Variants in CNTN3 observed in about 807,000 individuals in gnomAD.
CNTN3 encodes the protein contactin 3, also known as contactin-3.
Under a neutral mutation model 119.1 loss-of-function variants are expected in CNTN3, and 60 were observed. The ratio of observed to expected loss-of-function variants is 0.50; its 90% CI spans 0.41 to 0.62. The LOEUF (loss-of-function observed/expected upper bound fraction) is 0.62, where lower values mean the gene tolerates loss of function less well. Ranked by LOEUF, CNTN3 falls within the 20% of genes least tolerant of loss-of-function variation. The probability of loss-of-function intolerance (pLI) is 0.00; values close to 1 mark genes in which losing one functional copy is unlikely to be tolerated. For synonymous variants in CNTN3, 450 were observed against 438.7 expected, an observed-to-expected ratio of 1.03 and a Z score of -0.32; for missense variants, 1,101 against 1,242.4, an observed-to-expected ratio of 0.89 and a Z score of 1.71.
chr3:74,297,150 C>A (rs1702355185), intron 18 of CNTN3, among the ~76,000 whole-genome samples: 1 of 152,266 alleles, frequency 6.6e-6, no homozygotes, highest in African/African-American at 2.4e-5. Context: ...ACTCTTCATC[C>A]AGTAACATCC....
In CNTN3 at chr3:74,491,291, A is replaced by G. The variant is rs373676739; in HGVS notation, c.183-4660T>C. ...CAAGCTGGGAAGATCTCTTGGAGCCAGTAGTTTGAGACCAGCCTGGGCAAC... is the reference window on the plus strand; with the variant it reads ...CAAGCTGGGAAGATCTCTTGGAGCCGGTAGTTTGAGACCAGCCTGGGCAAC... On this transcript the variant is annotated intron_variant, in intron 3 of 22. Coordinates refer to ENST00000263665, the MANE Select transcript of CNTN3 (RefSeq NM_020872.3). Among the ~76,000 whole-genome samples the G allele has an allele frequency of 2.0e-4, 31 of 152,170 alleles. 2 individuals carry two copies. The highest frequency in any genetic ancestry group is 7.5e-4 in the African/African-American group (31 of 41,524).
chr3:74,273,089 G>A (rs1575689760), intron 20 of CNTN3, among the ~76,000 whole-genome samples: 1 of 152,124 alleles, frequency 6.6e-6, no homozygotes, highest in African/African-American at 2.4e-5. Context: ...GCAATAATGT[G>A]TATCCTGAGC....
chr3:74,458,348 C>T (rs1237863618), intron 4 of CNTN3, among the ~76,000 whole-genome samples: 4 of 151,964 alleles, frequency 2.6e-5, no homozygotes, highest in Non-Finnish European at 4.4e-5. Context: ...TCCAGGCTGC[C>T]ACATGTTTTT....
intron 1 of CNTN3, among the ~76,000 whole-genome samples, chr3:74,539,444 G>C (rs931410161): frequency 2.6e-5 from 4 of 152,136 alleles, no homozygotes; most frequent in Middle Eastern, 3.4e-3. Flanking sequence ...CTAAGGCTTA[G>C]GGCAATAAAG....
At chr3:74,280,463 G>A (rs1701981820) in intron 20 of CNTN3, among the ~76,000 whole-genome samples, 1 of 152,190 alleles carries the variant, frequency 6.6e-6, no homozygotes, top group African/African-American at 2.4e-5. Flanking sequence ...TTGGTTGTTT[G>A]CCCAAGATGA....
intron 5 of CNTN3, among the ~76,000 whole-genome samples, chr3:74,397,793 T>C (rs1485741755): frequency 6.6e-6 from 1 of 152,184 alleles, no homozygotes; most frequent in Non-Finnish European, 1.5e-5. Context: ...TCATGATTCA[T>C]GAGAAGAGGT....
chr3:74,464,792 A>T (rs1328649039), intron 4 of CNTN3, among the ~76,000 whole-genome samples: 1 of 152,220 alleles, frequency 6.6e-6, no homozygotes, highest in Non-Finnish European at 1.5e-5. Flanking sequence ...ACAATATAAA[A>T]TAGGTTAATG....
chr3:74,386,160 T>G (rs547056102), intron 5 of CNTN3, among the ~76,000 whole-genome samples: 16 of 152,178 alleles, frequency 1.1e-4, no homozygotes, highest in Non-Finnish European at 2.1e-4. Flanking sequence ...TCTATGTAGG[T>G]GCTCAATCAT....
chr3:74,559,497 G>A (rs1011769951), intron 1 of CNTN3, among the ~76,000 whole-genome samples: 1 of 152,082 alleles, frequency 6.6e-6, no homozygotes, highest in African/African-American at 2.4e-5. Flanking sequence ...TGCTTACACA[G>A]CCTACCTCTA....
intron 1 of CNTN3, among the ~76,000 whole-genome samples, chr3:74,532,951 T>C (rs1703714106): frequency 6.6e-6 from 1 of 151,982 alleles, no homozygotes; most frequent in Non-Finnish European, 1.5e-5. Flanking sequence ...CAAAATCACA[T>C]AAGCAAAGTC....
intron 1 of CNTN3, among the ~76,000 whole-genome samples, chr3:74,604,841 C>T (rs1285228864): frequency 6.6e-6 from 1 of 152,116 alleles, no homozygotes; most frequent in African/African-American, 2.4e-5. Flanking sequence ...TCAGAGATAT[C>T]TGCACTCCTG....
chr3:74,303,693 G>T (rs2106822066), intron 13 of CNTN3, among the ~76,000 whole-genome samples: 2 of 152,226 alleles, frequency 1.3e-5, no homozygotes, highest in African/African-American at 4.8e-5. Context: ...GCAAGACTCT[G>T]TCTCCGCCTC....
At chr3:74,430,252 T>C (rs1044130854) in intron 4 of CNTN3, among the ~76,000 whole-genome samples, 2 of 152,182 alleles carry the variant, frequency 1.3e-5, no homozygotes, top group African/African-American at 4.8e-5. Context: ...GTTCCTTCAA[T>C]GTGTGAATGG....
At chr3:74,364,798 A>G (rs1704152436) in intron 9 of CNTN3, among the ~76,000 whole-genome samples, 1 of 152,196 alleles carries the variant, frequency 6.6e-6, no homozygotes, top group Admixed American at 6.5e-5. Context: ...AATATGAATT[A>G]GCATCCTTCA....
intron 11 of CNTN3, among the ~76,000 whole-genome samples, chr3:74,349,235 G>T (rs535026345): frequency 6.6e-6 from 1 of 152,310 alleles, no homozygotes; most frequent in African/African-American, 2.4e-5. Flanking sequence ...ACAGGGATAA[G>T]GTGAAGGCTT....
intron 19 of CNTN3, among the ~76,000 whole-genome samples, chr3:74,293,535 C>G (rs1050791118): frequency 3.3e-5 from 5 of 152,146 alleles, no homozygotes; most frequent in Non-Finnish European, 5.9e-5. Context: ...AGTGCAATGG[C>G]AGGATGACGG....
chr3:74,515,575 T>C (rs1703436578), intron 2 of CNTN3, among the ~76,000 whole-genome samples: 1 of 152,072 alleles, frequency 6.6e-6, no homozygotes, highest in Non-Finnish European at 1.5e-5. Context: ...GTGTTCACTA[T>C]TCATTCCGAA....
chr3:74,460,290 A>G (rs959067043), intron 4 of CNTN3, among the ~76,000 whole-genome samples: 5 of 152,002 alleles, frequency 3.3e-5, no homozygotes, highest in Admixed American at 2.6e-4. Flanking sequence ...ATCCAATAAC[A>G]AATCAAAACT....
chr3:74,285,179 G>A (rs1702085567), intron 20 of CNTN3, 126 bp downstream of exon 20: 1 of 1,013,248 alleles, frequency 9.9e-7, no homozygotes, highest in South Asian at 1.8e-5. Context: ...GTTAGGTTTT[G>A]GAGTTAGGTT....
Sources: gnomAD v4.1 joint callset for allele counts (sites outside exome capture counted in the v4.1 genomes callset) on GRCh38, gnomAD v4.1.1 for gene constraint, MANE v1.5 for transcripts, NCBI Gene and HGNC (gene_info 2026-07-23, HGNC 2026-07-21) for gene names.